WDPCP: variants seen among roughly 807,000 people sequenced by gnomAD.
The protein encoded by WDPCP is WD repeat containing planar cell polarity effector.
In WDPCP, 71 loss-of-function variants were observed where a neutral mutation model predicts 93.1. That is an observed-to-expected ratio of 0.76 (90% CI 0.63 to 0.93). The LOEUF is 0.93. WDPCP is among the 40% of genes least tolerant of loss of function. WDPCP has a pLI of 0.00. For synonymous variants in WDPCP, 315 were observed against 315.0 expected (o/e 1.00, Z 0.00); for missense variants, 844 against 887.4 (o/e 0.95, Z 0.62).
At chr2:63,710,060 G>C (rs1669237104) in intron 2 of WDPCP, among the ~76,000 whole-genome samples, 1 of 152,186 alleles carries the variant, frequency 6.6e-6, no homozygotes, top group African/African-American at 2.4e-5. Context: ...AATTTCATTA[G>C]GTAACTTCTT....
intron 1 of WDPCP, among the ~76,000 whole-genome samples, chr2:63,570,717 CAAAT>C (rs1315270199): frequency 2.0e-5 from 3 of 152,110 alleles, no homozygotes. Context: ...ATATTTTTGA[CAAAT>C]ACTTTAATTT....
At chr2:63,491,425 G>C (rs926838849) in intron 2 of WDPCP, among the ~76,000 whole-genome samples, 1 of 152,036 alleles carries the variant, frequency 6.6e-6, no homozygotes. Context: ...CAAGGACTGG[G>C]GTATTTCACC....
chr2:63,608,944 G>C (rs1011528664), intron 3 of WDPCP, among the ~76,000 whole-genome samples: 1 of 152,194 alleles, frequency 6.6e-6, no homozygotes, highest in Non-Finnish European at 1.5e-5. Flanking sequence ...ACAAAATTTT[G>C]TATAAAGTAA....
intron 12 of WDPCP, among the ~76,000 whole-genome samples, chr2:63,329,451 G>T (rs1283101208): frequency 6.6e-6 from 1 of 152,022 alleles, no homozygotes; most frequent in Non-Finnish European, 1.5e-5. Flanking sequence ...CAATATAAGT[G>T]AAAGATACAG....
chr2:63,437,853 A>T (rs1697241435), intron 7 of WDPCP: 1 of 1,598,828 alleles, frequency 6.3e-7, no homozygotes, highest in Non-Finnish European at 8.5e-7. Flanking sequence ...TTAAAAAACT[A>T]TTTCGCACCT....
intron 10 of WDPCP, among the ~76,000 whole-genome samples, chr2:63,395,423 C>T (rs1339892758): frequency 1.3e-5 from 2 of 152,114 alleles, no homozygotes; most frequent in Admixed American, 1.3e-4. Flanking sequence ...TCTATTACGC[C>T]ACTCTGTATG....
At chr2:63,409,164 C>A (rs1472553302) in intron 9 of WDPCP, among the ~76,000 whole-genome samples, 3 of 152,194 alleles carry the variant, frequency 2.0e-5, no homozygotes, top group Non-Finnish European at 2.9e-5. Flanking sequence ...CCACCACCTC[C>A]ACCAGGACAG....
At chr2:63,190,309 T>C (rs562452758) in intron 14 of WDPCP, among the ~76,000 whole-genome samples, 1 of 151,646 alleles carries the variant, frequency 6.6e-6, no homozygotes, top group South Asian at 2.1e-4. Context: ...GGCAGACACA[T>C]GTACTCCCAG....
rs144735122 is a variant in WDPCP at position 63,415,891 on chromosome 2, T to C, written c.826-11234A>G. 7.0e-4 allele frequency among the ~76,000 whole-genome samples: 107 copies of C among 152,316 alleles called. 1 individual carries two copies. The highest frequency in any genetic ancestry group is 1.2e-3 in the Non-Finnish European group (85 of 68,028). Reference sequence around the variant, plus strand: ...AAAGAAGCTTGTGCTTTTTGTCCAGTAGCTAATAATATAGGTAACTTTGCT... The same window carrying C: ...AAAGAAGCTTGTGCTTTTTGTCCAGCAGCTAATAATATAGGTAACTTTGCT... On this transcript the variant is annotated intron_variant, in intron 9 of 17. Transcript: ENST00000272321.
chr2:63,489,991 G>T (rs1013733496), intron 2 of WDPCP, among the ~76,000 whole-genome samples: 1 of 151,352 alleles, frequency 6.6e-6, no homozygotes, highest in African/African-American at 2.4e-5. Flanking sequence ...AGGATGCATT[G>T]AAATGCATAA....
At chr2:63,620,414 G>A (rs936388563) in intron 3 of WDPCP, among the ~76,000 whole-genome samples, 2 of 152,176 alleles carry the variant, frequency 1.3e-5, no homozygotes, top group African/African-American at 2.4e-5. Context: ...TCGGAAGTTC[G>A]AACTGAGTAG....
At chr2:63,163,394 G>A (rs1441676721) in intron 15 of WDPCP, among the ~76,000 whole-genome samples, 3 of 152,168 alleles carry the variant, frequency 2.0e-5, no homozygotes, top group Non-Finnish European at 4.4e-5. Flanking sequence ...AGAAAAGGAT[G>A]TCTCTAGTGA....
intron 9 of WDPCP, among the ~76,000 whole-genome samples, chr2:63,412,576 G>C (rs1211240574): frequency 6.6e-6 from 1 of 152,140 alleles, no homozygotes; most frequent in African/African-American, 2.4e-5. Flanking sequence ...AATTGGTAAA[G>C]AGGAAGTCAA....
chr2:63,266,481 T>C (rs57566811), intron 13 of WDPCP, among the ~76,000 whole-genome samples: 221 of 152,042 alleles, frequency 1.5e-3, no homozygotes, highest in African/African-American at 4.8e-3. Flanking sequence ...CTGTAAAACA[T>C]TGATGAAAGA....
intron 14 of WDPCP, among the ~76,000 whole-genome samples, chr2:63,211,026 G>C (rs574330874): frequency 1.0e-3 from 154 of 152,334 alleles, no homozygotes; most frequent in African/African-American, 3.7e-3. Context: ...TCTGCTTCTG[G>C]GGGGCAGGGC....
At chr2:63,152,324 G>C in intron 17 of WDPCP, among the ~76,000 whole-genome samples, 1 of 150,812 alleles carries the variant, frequency 6.6e-6, no homozygotes, top group South Asian at 2.1e-4. Context: ...ACCCAGGCTG[G>C]AGTGCAGTGG....
At chr2:63,681,136 G>A (rs262539) in intron 2 of WDPCP, among the ~76,000 whole-genome samples, 31,576 of 152,016 alleles carry the variant, frequency 0.21, 3,826 homozygotes, top group Non-Finnish European at 0.28. Context: ...ATGGTGAGAG[G>A]CTCCTTCTGC....
chr2:63,527,581 G>GCA (rs1384296570), intron 1 of WDPCP, among the ~76,000 whole-genome samples: 3 of 151,898 alleles, frequency 2.0e-5, no homozygotes, highest in Non-Finnish European at 4.4e-5. Context: ...AGTATTCCAT[G>GCA]GTGTATATGT....
intron 2 of WDPCP, among the ~76,000 whole-genome samples, chr2:63,683,711 C>T (rs574584584): frequency 6.6e-6 from 1 of 151,888 alleles, no homozygotes; most frequent in Admixed American, 6.6e-5. Flanking sequence ...TAGCTGGGCA[C>T]GGTGGCATGC....
Sources: gnomAD v4.1 joint callset for allele counts (sites outside exome capture counted in the v4.1 genomes callset) on GRCh38, gnomAD v4.1.1 for gene constraint, MANE v1.5 for transcripts, NCBI Gene and HGNC (gene_info 2026-07-23, HGNC 2026-07-21) for gene names.